Variants in FGFR1OP2 observed in about 807,000 individuals in gnomAD.
FGFR1OP2 encodes the protein fibroblast growth factor receptor 1 oncogene partner 2.
Under a neutral mutation model 35.2 loss-of-function variants are expected in FGFR1OP2, and 17 were observed. That is an observed-to-expected ratio of 0.48 (90% CI 0.33 to 0.73). The LOEUF (loss-of-function observed/expected upper bound fraction) is 0.73. FGFR1OP2 is among the 30% of genes least tolerant of loss of function. FGFR1OP2 has a pLI of 0.02. For synonymous variants in FGFR1OP2, 105 were observed against 104.6 expected, an observed-to-expected ratio of 1.00 and a Z score of -0.03; for missense variants, 251 against 307.3, an observed-to-expected ratio of 0.82 and a Z score of 1.37.
intron 4 of FGFR1OP2, 88 bp downstream of exon 4, chr12:26,957,831 G>A (rs550331886): frequency 8.5e-7 from 1 of 1,170,474 alleles, no homozygotes; most frequent in Non-Finnish European, 1.2e-6. Context: ...AAAATCACAG[G>A]TATCTAGTAA....
chr12:26,959,950 T>C (rs1344058759), intron 4 of FGFR1OP2, among the ~76,000 whole-genome samples: 1 of 152,034 alleles, frequency 6.6e-6, no homozygotes, highest in Non-Finnish European at 1.5e-5. Flanking sequence ...AGTAGATGAA[T>C]TGTTACTGGA....
intron 1 of FGFR1OP2, among the ~76,000 whole-genome samples, chr12:26,952,870 G>C (rs539298890): frequency 1.3e-5 from 2 of 152,108 alleles, no homozygotes; most frequent in African/African-American, 4.8e-5. Flanking sequence ...TTCTGTAGAC[G>C]TGGCTTCTGG....
At chr12:26,951,297 C>G (rs552070419) in intron 1 of FGFR1OP2, among the ~76,000 whole-genome samples, 1 of 151,774 alleles carries the variant, frequency 6.6e-6, no homozygotes, top group East Asian at 1.9e-4. Context: ...ACAGGCACCC[C>G]CCGACCAGGC....
chr12:26,941,663 CATTG>C (rs1938736293), intron 1 of FGFR1OP2, among the ~76,000 whole-genome samples: 1 of 152,154 alleles, frequency 6.6e-6, no homozygotes, highest in Non-Finnish European at 1.5e-5. Flanking sequence ...AGTAAACATT[CATTG>C]ATCTTGTAAT....
At chr12:26,945,278 A>G (rs1026976871) in intron 1 of FGFR1OP2, among the ~76,000 whole-genome samples, 1 of 151,926 alleles carries the variant, frequency 6.6e-6, no homozygotes, top group Non-Finnish European at 1.5e-5. Flanking sequence ...CTTCTTCTCC[A>G]GGTTCCTAAA....
chr12:26,954,522 T>C (rs922449902), intron 2 of FGFR1OP2, among the ~76,000 whole-genome samples: 6 of 152,228 alleles, frequency 3.9e-5, no homozygotes, highest in African/African-American at 1.4e-4. Context: ...AGTTGCACAT[T>C]TGAGTTTAGA....
At chr12:26,945,810 G>T (rs1013626973) in intron 1 of FGFR1OP2, among the ~76,000 whole-genome samples, 7 of 149,530 alleles carry the variant, frequency 4.7e-5, no homozygotes, top group African/African-American at 1.7e-4. Flanking sequence ...GCAGTGAGCC[G>T]AGAATGTGCC....
At chr12:26,939,752 A>C (rs1938690799) in intron 1 of FGFR1OP2, among the ~76,000 whole-genome samples, 1 of 152,208 alleles carries the variant, frequency 6.6e-6, no homozygotes, top group African/African-American at 2.4e-5. Context: ...GTCTGTCTGG[A>C]ATCATGTCTT....
At chr12:26,953,348 G>A (rs903975037) in intron 1 of FGFR1OP2, among the ~76,000 whole-genome samples, 3 of 150,610 alleles carry the variant, frequency 2.0e-5, no homozygotes, top group Non-Finnish European at 4.4e-5. Context: ...TTAAAGTTTT[G>A]GAAAGAGACT....
rs566627997 is a variant in FGFR1OP2, at chr12:26,938,652, T to G, written c.-73T>G. On this transcript the variant is annotated 5_prime_UTR_variant, in exon 1 of 7. Coordinates refer to ENST00000229395, the MANE Select transcript of FGFR1OP2 (RefSeq NM_015633.3). ...TTCCCTTGAGTGCATAGGTCCCGGTTGGTAGAGGGTTTGAGTCCGCATCGC... is the reference window on the plus strand; with the variant it reads ...TTCCCTTGAGTGCATAGGTCCCGGTGGGTAGAGGGTTTGAGTCCGCATCGC... 6.6e-6 allele frequency: 1 copy of G among 152,386 alleles called. No homozygotes were observed. Among genetic ancestry groups the G allele is most frequent in the African/African-American group, 2.4e-5 (1 of 41,424 alleles). The allele number at this position is 152,386 out of a possible 1,614,324, so 9.4% of individuals were successfully genotyped here.
Position 26,965,627 on chromosome 12 carries a change from C to T in FGFR1OP2, c.*894C>T, listed in dbSNP as rs1337265908. 2.0e-5 allele frequency: 3 copies of T among 151,046 alleles called. 1 individual carries two copies. The highest frequency in any genetic ancestry group is 4.4e-5 in the Non-Finnish European group (3 of 67,726). 9.4% of individuals were successfully genotyped at this position (151,046 alleles called of 1,614,324 possible). On this transcript the variant is annotated 3_prime_UTR_variant, in exon 7 of 7. Transcript: ENST00000229395. ...TTGGGAATTCCTCTGGCTCATAGAA[C>T]CCTTTTTTTTTTCCTTTAAGTATTC...
intron 6 of FGFR1OP2, 43 bp downstream of exon 6, chr12:26,963,498 A>C: frequency 7.8e-7 from 1 of 1,279,882 alleles, no homozygotes; most frequent in Non-Finnish European, 1.1e-6. Flanking sequence ...TGTCCATATA[A>C]AGATTTATGC....
rs1418565614 is a variant in FGFR1OP2 at position 26,966,030 on chromosome 12, A to G, written c.*1297A>G. On this transcript the variant is annotated 3_prime_UTR_variant, in exon 7 of 7. Coordinates refer to ENST00000229395, the MANE Select transcript of FGFR1OP2 (RefSeq NM_015633.3). ...AAATGGAAAATTATACTTTGAGTATATAATTTGTTAAATATTACTTTATAT... is the reference window on the plus strand; with the variant it reads ...AAATGGAAAATTATACTTTGAGTATGTAATTTGTTAAATATTACTTTATAT... The G allele has an allele frequency of 1.3e-5, 2 of 152,110 alleles. No individual in the cohort carries two copies. Among genetic ancestry groups the G allele is most frequent in the Non-Finnish European group, 2.9e-5 (2 of 67,982 alleles). The allele number at this position is 152,110 out of a possible 1,614,324, so 9.4% of individuals were successfully genotyped here. A position where few individuals can be genotyped will look rare whatever the true frequency, so the allele number is the denominator to read the frequency against.
chr12:26,942,696 A>AT (rs1226186321), intron 1 of FGFR1OP2, among the ~76,000 whole-genome samples: 1 of 152,188 alleles, frequency 6.6e-6, no homozygotes, highest in African/African-American at 2.4e-5. Context: ...TTCTAATTGC[A>AT]TTTCTCTAAT....
rs568600921 is a variant in FGFR1OP2 at position 26,957,248 on chromosome 12, C to T, written c.254-353C>T. 1.6e-4 allele frequency among the ~76,000 whole-genome samples: 25 copies of T among 152,280 alleles called. 1 individual carries two copies. In the Middle Eastern group the frequency reaches 0.01, roughly 62 times the overall value. ...TCTACAAAGCTTCCACCAGTTTCTT[C>T]CCATAGACATCTCTTAAATCTATTT... On this transcript the variant is annotated intron_variant, in intron 3 of 6. Transcript: ENST00000229395.
At chr12:26,951,509 G>A (rs575052482) in intron 1 of FGFR1OP2, among the ~76,000 whole-genome samples, 2 of 152,062 alleles carry the variant, frequency 1.3e-5, no homozygotes, top group East Asian at 1.9e-4. Context: ...TAGTAGAGAC[G>A]GTGTTTCACC....
At position 26,964,850 on chromosome 12, in the gene FGFR1OP2, G is replaced by A. The variant is rs770944768; in HGVS notation, c.*117G>A. 1.4e-5 allele frequency: 15 copies of A among 1,061,080 alleles called. No individual in the cohort carries two copies. Among genetic ancestry groups the A allele is most frequent in the Admixed American group, 2.4e-5 (1 of 41,578 alleles). The allele number at this position is 1,061,080 out of a possible 1,614,324, so 65.7% of individuals were successfully genotyped here. ...TTCTCTGTAAATATGTACAGTGCAC[G>A]GGCTATGAGATAGCAACAAAAAATG... On this transcript the variant is annotated 3_prime_UTR_variant, in exon 7 of 7. Coordinates refer to ENST00000229395, the MANE Select transcript of FGFR1OP2 (RefSeq NM_015633.3).
At chr12:26,949,579 T>G (rs1938883661) in intron 1 of FGFR1OP2, among the ~76,000 whole-genome samples, 1 of 152,066 alleles carries the variant, frequency 6.6e-6, no homozygotes, top group Admixed American at 6.5e-5. Context: ...AGTATCTGTT[T>G]GAGGTTTTTT....
At chr12:26,938,926 A>T (rs1258632910) in intron 1 of FGFR1OP2, among the ~76,000 whole-genome samples, 1 of 152,080 alleles carries the variant, frequency 6.6e-6, no homozygotes, top group Non-Finnish European at 1.5e-5. Flanking sequence ...TGCGGTGCGG[A>T]AAGTTCAATG....
Sources: allele counts gnomAD v4.1 joint callset (sites outside exome capture counted in the v4.1 genomes callset), GRCh38; gene constraint gnomAD v4.1.1; transcripts MANE v1.5; gene names NCBI Gene and HGNC (gene_info 2026-07-23, HGNC 2026-07-21).